The following SPTY2D1 variants were observed in gnomAD, a reference collection of about 807,000 sequenced individuals.
The protein encoded by SPTY2D1 is SPT2 chromatin protein domain containing 1, also known as protein SPT2 homolog.
A neutral mutation model predicts 64.0 loss-of-function variants in SPTY2D1; 21 were observed. The observed-to-expected ratio is 0.33, with a 90% CI of 0.23 to 0.47. SPTY2D1 has a LOEUF of 0.47. Ranked by LOEUF, SPTY2D1 falls within the 20% of genes least tolerant of loss-of-function variation. The probability of loss-of-function intolerance (pLI) is 1.00; values close to 1 mark genes in which losing one functional copy is unlikely to be tolerated. For synonymous variants in SPTY2D1, 287 were observed against 286.8 expected, an observed-to-expected ratio of 1.00 and a Z score of -0.01; for missense variants, 724 against 837.2, an observed-to-expected ratio of 0.86 and a Z score of 1.67.
chr11:18,625,246 C>G (rs1223894972), intron 1 of SPTY2D1, among the ~76,000 whole-genome samples: 1 of 152,142 alleles, frequency 6.6e-6, no homozygotes, highest in Non-Finnish European at 1.5e-5. Context: ...ACCAATGGTT[C>G]CATTAGAACT....
chr11:18,621,244 C>T (rs551113947), intron 1 of SPTY2D1, among the ~76,000 whole-genome samples: 59 of 151,530 alleles, frequency 3.9e-4, no homozygotes, highest in Non-Finnish European at 7.2e-4. Context: ...TGCAGTGAGC[C>T]GAGATCGCAC....
chr11:18,610,984 A>C (rs529602894), intron 5 of SPTY2D1, among the ~76,000 whole-genome samples: 8 of 152,372 alleles, frequency 5.3e-5, no homozygotes, highest in African/African-American at 1.9e-4. Context: ...TGAGTAAAAC[A>C]GTATATTCTC....
At chr11:18,629,317 A>G (rs574678856) in intron 1 of SPTY2D1, among the ~76,000 whole-genome samples, 31 of 10,164 alleles carry the variant, frequency 3.0e-3, no homozygotes, top group Non-Finnish European at 0.013. Flanking sequence ...CCTGGCCAAC[A>G]TGGTGAAACC....
Position 18,617,073 on chromosome 11 carries a change from GA to G in SPTY2D1, c.61-85del, listed in dbSNP as rs1304016500. The G allele has an allele frequency of 2.7e-6, 3 of 1,114,286 alleles. No individual in the cohort carries two copies. In the African/African-American group the frequency reaches 4.7e-5, roughly 17 times the overall value. The allele number at this position is 1,114,286 out of a possible 1,614,324, so 69.0% of individuals were successfully genotyped here. ...TATAAGGCACTGTGCCAGGTAATAA[GA>G]GGTATAAATGTTAACTGTGAAACCT... On this transcript the variant is annotated intron_variant, in intron 1 of 5. Transcript: ENST00000336349.
At chr11:18,610,077 G>T in intron 5 of SPTY2D1, 123 bp from the exon 6 acceptor site, 1 of 771,822 alleles carries the variant, frequency 1.3e-6, no homozygotes, top group Non-Finnish European at 2.0e-6. Context: ...AATGCCTCAA[G>T]GCTTTACCAC....
In SPTY2D1 at chr11:18,614,971, G is replaced by A. The variant is rs1854269356; in HGVS notation, c.1303C>T (p.Pro435Ser). ...SRRTVSGTCG[P>S]GQPASSSGGP... ...CCTGAGCTGCTTGCAGGTTGTCCAG[G>A]GCCACATGTACCACTGACTGTCCGC... The change falls in exon 3 of 6, where the codon CCT (proline) becomes TCT (serine). Residue 435 changes from proline to serine, a missense_variant. Pro to Ser is a moderately conservative substitution (Grantham distance 74). Around this residue, in one of 3 missense-constraint regions of SPTY2D1, gnomAD observed 426 missense variants for 431.8 expected, o/e 0.99. Transcript: ENST00000336349. 11 of 1,614,122 alleles carry A rather than the reference G, an allele frequency of 6.8e-6. No individual in the cohort carries two copies. Among genetic ancestry groups the A allele is most frequent in the Non-Finnish European group, 9.3e-6 (11 of 1,180,042 alleles).
chr11:18,612,609 G>A lies in SPTY2D1; in HGVS notation c.1712-121C>T, dbSNP rs1023493518. On this transcript the variant is annotated intron_variant, in intron 3 of 5. Coordinates refer to ENST00000336349, the MANE Select transcript of SPTY2D1 (RefSeq NM_194285.3). The surrounding 1 kb of genome is among the most constrained non-coding windows in gnomAD (Gnocchi z 4.6). ...CCTTTAAAACCAGAGCAAGCAGGCT[G>A]GCCCTTAGCGCAGAGCCATCATCCT... 2 of 846,160 alleles carry A rather than the reference G, an allele frequency of 2.4e-6. No individual in the cohort carries two copies. The highest frequency in any genetic ancestry group is 6.7e-5 in the Admixed American group (2 of 29,670). The allele number at this position is 846,160 out of a possible 1,614,324, so 52.4% of individuals were successfully genotyped here. A position where few individuals can be genotyped will look rare whatever the true frequency, so the allele number is the denominator to read the frequency against.
At chr11:18,628,713 C>T (rs1160977458) in intron 1 of SPTY2D1, among the ~76,000 whole-genome samples, 1 of 152,116 alleles carries the variant, frequency 6.6e-6, no homozygotes, top group Non-Finnish European at 1.5e-5. Flanking sequence ...GCCAGGACCT[C>T]GTTATTAAGG....
In SPTY2D1 at chr11:18,612,920, A is replaced by AC. The variant is rs1854230469; in HGVS notation, c.1712-433dup. On this transcript the variant is annotated intron_variant, in intron 3 of 5. Coordinates refer to ENST00000336349, the MANE Select transcript of SPTY2D1 (RefSeq NM_194285.3). The surrounding 1 kb of genome is among the most constrained non-coding windows in gnomAD (Gnocchi z 4.6). The stretch of plus-strand genomic sequence containing the variant: ...GCTGGGATTATAGGCATGTGCCACA[A>AC]CGCCTGGCTAATTTTGTATTTTTAG... Among the ~76,000 whole-genome samples, 1 of 151,986 alleles carries AC rather than the reference A, an allele frequency of 6.6e-6. No homozygotes were observed. The highest frequency in any genetic ancestry group is 2.1e-4 in the South Asian group (1 of 4,814).
Position 18,616,918 on chromosome 11 carries a change from T to C in SPTY2D1, c.132A>G (p.Val44=). The change falls in exon 2 of 6, where the codon GTA becomes GTG. Residue 44 remains valine, a synonymous_variant. Transcript: ENST00000336349. ...PKVKGVQSAA[V]QAFLKRKEEE... ...CTTCTTTCCTTTTAAGAAAAGCTTG[T>C]ACAGCTGCTGATTGGACACCTTTAA... 1.2e-6 allele frequency: 2 copies of C among 1,614,210 alleles called. No homozygotes were observed. The highest frequency in any genetic ancestry group is 2.2e-5 in the South Asian group (2 of 91,088).
At chr11:18,628,426 A>G (rs1041759555) in intron 1 of SPTY2D1, among the ~76,000 whole-genome samples, 24 of 151,882 alleles carry the variant, frequency 1.6e-4, no homozygotes, top group Admixed American at 1.4e-3. Context: ...CTATCAAAAG[A>G]TGTGGTACTG....
chr11:18,622,084 C>A (rs537910322), intron 1 of SPTY2D1, among the ~76,000 whole-genome samples: 1 of 774 alleles, frequency 1.3e-3, no homozygotes, highest in Middle Eastern at 0.5. Context: ...AAGACCCTAT[C>A]TCAAAAAAAA....
intron 5 of SPTY2D1, among the ~76,000 whole-genome samples, chr11:18,610,667 T>TAAAAAA (rs58363516): frequency 5.2e-5 from 5 of 96,684 alleles, no homozygotes; most frequent in East Asian, 3.4e-4. Flanking sequence ...CCCTGTCTCT[T>TAAAAAA]AAAAAAAAAA....
chr11:18,630,279 A>G (rs1337554426), intron 1 of SPTY2D1, among the ~76,000 whole-genome samples: 1 of 151,964 alleles, frequency 6.6e-6, no homozygotes, highest in Non-Finnish European at 1.5e-5. Flanking sequence ...GATTGAGACC[A>G]TCCTGACCAA....
intron 5 of SPTY2D1, 149 bp from the exon 6 acceptor site, chr11:18,610,103 A>G (rs75690693): frequency 0.1 from 57,849 of 575,658 alleles, 3,358 homozygotes; most frequent in South Asian, 0.13. Flanking sequence ...ACAAACTAGC[A>G]GGGATATTTT....
chr11:18,634,071 A>C, intron 1 of SPTY2D1, 127 bp downstream of exon 1: 1 of 1,037,036 alleles, frequency 9.6e-7, no homozygotes, highest in Non-Finnish European at 1.5e-6. Context: ...CAAGAAAAGG[A>C]AATAAGGCGT....
At position 18,629,528 on chromosome 11, in the gene SPTY2D1, A is replaced by G. The variant is rs185444637; in HGVS notation, c.60+4670T>C. Among the ~76,000 whole-genome samples, 97 of 152,222 alleles carry G rather than the reference A, an allele frequency of 6.4e-4. 3 individuals carry two copies. The East Asian group carries it at 0.017, about 26-fold the overall frequency. ...AAAAAAAAAATTATAGCTATGTGAA[A>G]CCTGTAAGAATCCACATTCTAAGCT... On this transcript the variant is annotated intron_variant, in intron 1 of 5. Coordinates refer to ENST00000336349, the MANE Select transcript of SPTY2D1 (RefSeq NM_194285.3).
Position 18,634,319 on chromosome 11 carries a change from C to T in SPTY2D1, c.-62G>A, listed in dbSNP as rs1854636293. On this transcript the variant is annotated 5_prime_UTR_variant, in exon 1 of 6. Transcript: ENST00000336349. ...GGAAAGGACTGACAGCGCACCTAAC[C>T]GAGGCGCCCAGCTACAGCCAACTGC... 6.3e-7 allele frequency: 1 copy of T among 1,581,058 alleles called. No homozygotes were observed.
chr11:18,611,963 T>C (rs1473705573), intron 4 of SPTY2D1, among the ~76,000 whole-genome samples: 1 of 152,192 alleles, frequency 6.6e-6, no homozygotes, highest in Admixed American at 6.5e-5. Context: ...CAGAGGAAAC[T>C]GAAGCAGTTG....
Sources: allele counts gnomAD v4.1 joint callset (sites outside exome capture counted in the v4.1 genomes callset), GRCh38; gene constraint gnomAD v4.1.1; regional missense constraint gnomAD v4.1.1; non-coding constraint Gnocchi (gnomAD v3.1); transcripts MANE v1.5; gene names NCBI Gene and HGNC (gene_info 2026-07-23, HGNC 2026-07-21).